DOK7: variants seen among roughly 807,000 people sequenced by gnomAD.
DOK7 encodes the protein protein Dok-7.
In DOK7, 32 loss-of-function variants were observed where a neutral mutation model predicts 30.7. The observed-to-expected ratio is 1.04, with a 90% CI of 0.79 to 1.40. DOK7 has a LOEUF of 1.40. Ranked by LOEUF, DOK7 falls within the 40% of genes most tolerant of loss-of-function variation. The pLI is 0.00. For synonymous variants in DOK7, 447 were observed against 324.1 expected, an observed-to-expected ratio of 1.38 and a Z score of -4.07; for missense variants, 1,007 against 699.2, an observed-to-expected ratio of 1.44 and a Z score of -4.97.
In DOK7 at chr4:3,473,634, A is replaced by C. The variant is rs774247059; in HGVS notation, c.329A>C (p.Glu110Ala). 1 of 1,561,038 alleles carries C rather than the reference A, an allele frequency of 6.4e-7. No homozygotes were observed. Among genetic ancestry groups the C allele is most frequent in the Non-Finnish European group, 8.7e-7 (1 of 1,148,884 alleles). The change falls in exon 3 of 7, where the codon GAG (glutamate) becomes GCG (alanine). Residue 110 changes from glutamate (E) to alanine (A), a missense_variant and splice_region_variant. Transcript: ENST00000340083. ...WDARIRYALG[E>A]VHRFHVTVAP... ...GCCCGGATCCGCTATGCGCTCGGCG[A>C]GGGTGAGTGACGGGGGCCGGGGCCG...
intron 6 of DOK7, among the ~76,000 whole-genome samples, chr4:3,490,396 G>GTCCTTCTTTACCCTCCTGCTCATTCAT (rs1728218360): frequency 2.3e-5 from 1 of 44,346 alleles, no homozygotes; most frequent in African/African-American, 1.1e-4. Flanking sequence ...TGCTCATTCA[G>GTCCTTCTTTACCCTCCTGCTCATTCAT]TCCTTCTTTC....
chr4:3,463,697 C>T (rs1577135162), intron 2 of DOK7, 146 bp downstream of exon 2: 2 of 1,099,350 alleles, frequency 1.8e-6, no homozygotes, highest in East Asian at 2.7e-5. Context: ...CCGGACCCCC[C>T]GGCGCCCCTG....
chr4:3,486,130 C>T (rs1458645116), intron 5 of DOK7, among the ~76,000 whole-genome samples: 2 of 152,224 alleles, frequency 1.3e-5, no homozygotes, highest in African/African-American at 2.4e-5. Context: ...CGGGAGGTCC[C>T]CTGGCTGTGG....
intron 2 of DOK7, among the ~76,000 whole-genome samples, chr4:3,472,198 T>G (rs571625376): frequency 7.2e-5 from 11 of 152,382 alleles, no homozygotes; most frequent in African/African-American, 2.6e-4. Context: ...GGAGGGAAGC[T>G]GAGCACCATG....
chr4:3,497,342 G>C (rs1208390305), downstream of DOK7, among the ~76,000 whole-genome samples: 1 of 152,076 alleles, frequency 6.6e-6, no homozygotes, highest in Non-Finnish European at 1.5e-5. Flanking sequence ...GGCTGGTGGT[G>C]AGCGACTCGG....
At position 3,463,693 on chromosome 4, in the gene DOK7, C is replaced by T. The variant is rs1577135156; in HGVS notation, c.100+142C>T. The T allele has an allele frequency of 5.5e-6, 6 of 1,099,406 alleles. No individual in the cohort carries two copies. In the East Asian group the frequency reaches 1.4e-4, roughly 25 times the overall value. The allele number at this position is 1,099,406 out of a possible 1,614,324, so 68.1% of individuals were successfully genotyped here. On this transcript the variant is annotated intron_variant, in intron 2 of 6. Transcript: ENST00000340083. ...CCGAGAGCCCCGTGCGGACCCGGAC[C>T]CCCCGGCGCCCCTGGGAGCGCAGGT...
chr4:3,469,649 G>A (rs902982089), intron 2 of DOK7, among the ~76,000 whole-genome samples: 2 of 152,198 alleles, frequency 1.3e-5, no homozygotes, highest in Non-Finnish European at 2.9e-5. Flanking sequence ...CCCGGCACAC[G>A]TGCTGTGTCC....
At chr4:3,484,033 T>TGGAACAGC (rs1560218675) in intron 4 of DOK7, among the ~76,000 whole-genome samples, 3 of 152,052 alleles carry the variant, frequency 2.0e-5, no homozygotes, top group African/African-American at 7.2e-5. Context: ...TCACCCACAG[T>TGGAACAGC]AGGACTGGAA....
chr4:3,480,689 C>T (rs553438343), intron 4 of DOK7, among the ~76,000 whole-genome samples: 18 of 152,346 alleles, frequency 1.2e-4, no homozygotes, highest in African/African-American at 4.3e-4. Context: ...CTCTGGAGAG[C>T]CCCCTGCCGG....
intron 7 of DOK7, chr4:3,500,408 G>A: frequency 6.5e-7 from 1 of 1,535,726 alleles, no homozygotes. Flanking sequence ...TCCGAGGTGG[G>A]TCCCCGCCCT....
Position 3,492,823 on chromosome 4 carries a change from C to T in DOK7, c.837C>T (p.Ser279=), listed in dbSNP as rs1728581010. ...GTCACTTGGACGTCAGCGCCAGCAG[C>T]CGGCTCACCGCATGGCCAGAGCAAT... ...EASHLDVSAS[S]RLTAWPEQSS... is the part of the protein sequence containing the mutation. The change falls in exon 7 of 7, where the codon AGC becomes AGT. Residue 279 remains serine, a synonymous_variant. Coordinates refer to ENST00000340083, the MANE Select transcript of DOK7 (RefSeq NM_173660.5). 1.2e-6 allele frequency: 2 copies of T among 1,612,566 alleles called. No homozygotes were observed. The highest frequency in any genetic ancestry group is 3.3e-4 in the Middle Eastern group (2 of 6,062).
downstream of DOK7, among the ~76,000 whole-genome samples, chr4:3,494,796 G>A (rs1728810232): frequency 6.6e-6 from 1 of 152,190 alleles, no homozygotes; most frequent in African/African-American, 2.4e-5. Flanking sequence ...GTCCCGGTGA[G>A]GGCGGACCTC....
downstream of DOK7, chr4:3,496,734 G>T: frequency 1.4e-5 from 20 of 1,450,546 alleles, no homozygotes; most frequent in Middle Eastern, 1.8e-4. Context: ...CTCTTGGGGG[G>T]TAGTGTCCTT....
chr4:3,489,220 C>A (rs1343747532), intron 5 of DOK7, among the ~76,000 whole-genome samples: 1 of 152,028 alleles, frequency 6.6e-6, no homozygotes, highest in African/African-American at 2.4e-5. Context: ...ACGGTGGGGA[C>A]ACTGCAAGGT....
At chr4:3,474,915 A>G (rs529994097) in intron 3 of DOK7, among the ~76,000 whole-genome samples, 3 of 152,180 alleles carry the variant, frequency 2.0e-5, no homozygotes, top group Non-Finnish European at 4.4e-5. Context: ...CTGTCTCAAA[A>G]AAACAAACAC....
chr4:3,479,652 C>T (rs1389318977), intron 4 of DOK7, among the ~76,000 whole-genome samples: 1 of 152,230 alleles, frequency 6.6e-6, no homozygotes, highest in African/African-American at 2.4e-5. Context: ...TGGCCCAAGG[C>T]GATGGCTGCG....
At chr4:3,481,926 G>A (rs990445017) in intron 4 of DOK7, among the ~76,000 whole-genome samples, 3 of 152,128 alleles carry the variant, frequency 2.0e-5, no homozygotes, top group African/African-American at 4.8e-5. Flanking sequence ...TAACGTGGGT[G>A]AGGTTTGCCT....
At chr4:3,482,571 T>G (rs558537207) in intron 4 of DOK7, among the ~76,000 whole-genome samples, 12 of 151,948 alleles carry the variant, frequency 7.9e-5, no homozygotes, top group East Asian at 5.8e-4. Flanking sequence ...AGGGAGGGAG[T>G]GGACCAGCCT....
Position 3,493,543 on chromosome 4 carries a change from T to C in DOK7, c.*42T>C. On this transcript the variant is annotated 3_prime_UTR_variant, in exon 7 of 7. Coordinates refer to ENST00000340083, the MANE Select transcript of DOK7 (RefSeq NM_173660.5). ...CCCGCGGCTGCAAAGGGGCTGAATT[T>C]GCCCCCAGATGGCAGAGGAAGTGGC... The C allele has an allele frequency of 1.9e-6, 3 of 1,598,852 alleles. 1 individual carries two copies. In the South Asian group the frequency reaches 3.4e-5, roughly 18 times the overall value.
Sources: gnomAD v4.1 joint callset for allele counts (sites outside exome capture counted in the v4.1 genomes callset) on GRCh38, gnomAD v4.1.1 for gene constraint, MANE v1.5 for transcripts, NCBI Gene and HGNC (gene_info 2026-07-23, HGNC 2026-07-21) for gene names.